GXYLT2: variants seen among roughly 807,000 people sequenced by gnomAD.
GXYLT2 encodes the protein glucoside xylosyltransferase 2, also known as glycosyltransferase 8 domain containing 4.
GXYLT2 carries 53 observed loss-of-function variants against 45.8 expected under a neutral mutation model. That is an observed-to-expected ratio of 1.16 (90% CI 0.93 to 1.46). The LOEUF (loss-of-function observed/expected upper bound fraction) is 1.46, where lower values mean the gene tolerates loss of function less well. Among genes scored for constraint, GXYLT2 ranks in the 40% most tolerant of loss-of-function variants. The pLI, the probability that GXYLT2 is intolerant of heterozygous loss-of-function variation, is 0.00. For synonymous variants in GXYLT2, 219 were observed against 214.2 expected (o/e 1.02, Z -0.19); for missense variants, 551 against 544.4 (o/e 1.01, Z -0.12).
chr3:72,913,260 G>A (rs367687404), intron 2 of GXYLT2, among the ~76,000 whole-genome samples: 7 of 150,656 alleles, frequency 4.6e-5, no homozygotes, highest in East Asian at 4.0e-4. Context: ...GGATGGTCTC[G>A]ATCTCCTGAC....
intron 6 of GXYLT2, among the ~76,000 whole-genome samples, chr3:72,973,215 G>A (rs571045811): frequency 1.3e-5 from 2 of 152,324 alleles, no homozygotes; most frequent in East Asian, 3.9e-4. Flanking sequence ...AGCTGGGGGA[G>A]GGGCACCAGG....
rs1444915331 is a variant in GXYLT2 at position 72,888,059 on chromosome 3, C to T, written c.-175C>T. The T allele has an allele frequency of 1.0e-5, 2 of 196,418 alleles. No individual in the cohort carries two copies. The highest frequency in any genetic ancestry group is 1.6e-4 in the South Asian group (1 of 6,100). The allele number at this position is 196,418 out of a possible 1,614,324, so 12.2% of individuals were successfully genotyped here. Reference sequence around the variant, plus strand: ...CGCCTCCCCCTCCTCTCCTCTCTCTCCTCCTCCTTCGCCGTCGCCGCCGCC... The same window carrying T: ...CGCCTCCCCCTCCTCTCCTCTCTCTTCTCCTCCTTCGCCGTCGCCGCCGCC... On this transcript the variant is annotated 5_prime_UTR_variant, in exon 1 of 7. Coordinates refer to ENST00000389617, the MANE Select transcript of GXYLT2 (RefSeq NM_001080393.2).
chr3:72,956,637 A>G (rs550306263), intron 4 of GXYLT2, among the ~76,000 whole-genome samples: 2 of 152,166 alleles, frequency 1.3e-5, no homozygotes, highest in Middle Eastern at 3.4e-3. Context: ...ACTCACGCCT[A>G]TAATCCCAGC....
intron 1 of GXYLT2, among the ~76,000 whole-genome samples, chr3:72,897,184 A>G (rs1559724834): frequency 6.6e-6 from 1 of 152,218 alleles, no homozygotes; most frequent in African/African-American, 2.4e-5. Flanking sequence ...ATAGAATACC[A>G]GCTCATCTGT....
intron 3 of GXYLT2, among the ~76,000 whole-genome samples, chr3:72,939,100 G>A (rs913055480): frequency 5.9e-5 from 9 of 152,106 alleles, no homozygotes; most frequent in African/African-American, 1.9e-4. Flanking sequence ...ATTTTCTCCT[G>A]TGCCACCCCA....
At chr3:72,901,552 C>T (rs1273517037) in intron 1 of GXYLT2, among the ~76,000 whole-genome samples, 19 of 131,364 alleles carry the variant, frequency 1.4e-4, no homozygotes, top group Admixed American at 4.0e-4. Context: ...AGAACATTTT[C>T]GCTTTTTTTT....
chr3:72,928,755 G>C (rs77834947), intron 3 of GXYLT2, among the ~76,000 whole-genome samples: 4,862 of 150,620 alleles, frequency 0.032, 264 homozygotes, highest in African/African-American at 0.11. Flanking sequence ...GACTGTGGGG[G>C]CAATTTGTGC....
At chr3:72,898,694 G>A (rs1036796022) in intron 1 of GXYLT2, among the ~76,000 whole-genome samples, 6 of 152,266 alleles carry the variant, frequency 3.9e-5, no homozygotes, top group East Asian at 3.9e-4. Context: ...GGAGCCTTGC[G>A]TAGGGGCTTC....
chr3:72,903,888 A>C (rs999884330), intron 1 of GXYLT2, among the ~76,000 whole-genome samples: 27 of 152,120 alleles, frequency 1.8e-4, no homozygotes, highest in African/African-American at 6.5e-4. Flanking sequence ...GGTTTAAGCA[A>C]AAGGGAGTTT....
chr3:72,919,763 AAAG>A (rs1225938388), intron 2 of GXYLT2, among the ~76,000 whole-genome samples: 3 of 152,240 alleles, frequency 2.0e-5, no homozygotes, highest in African/African-American at 7.2e-5. Flanking sequence ...TCAAAAACAA[AAAG>A]AAGTTCAGGT....
chr3:72,974,897 T>C, intron 6 of GXYLT2, 80 bp from the exon 7 acceptor site: 1 of 1,039,132 alleles, frequency 9.6e-7, no homozygotes, highest in Non-Finnish European at 1.4e-6. Flanking sequence ...GTAATTCCTG[T>C]GTCATTTCTT....
At chr3:72,954,446 T>A (rs1710592518) in intron 3 of GXYLT2, among the ~76,000 whole-genome samples, 1 of 150,330 alleles carries the variant, frequency 6.7e-6, no homozygotes, top group Non-Finnish European at 1.5e-5. Flanking sequence ...TTTGTATTTA[T>A]ATATATTTAT....
chr3:72,914,998 C>A (rs1186715281), intron 2 of GXYLT2, among the ~76,000 whole-genome samples: 4 of 152,002 alleles, frequency 2.6e-5, no homozygotes, highest in Admixed American at 2.6e-4. Flanking sequence ...ACTAAAAATA[C>A]AAAAATTAGC....
intron 3 of GXYLT2, among the ~76,000 whole-genome samples, chr3:72,950,409 C>T (rs572725627): frequency 1.7e-4 from 26 of 152,064 alleles, no homozygotes; most frequent in South Asian, 4.2e-4. Context: ...TGCAGTGAGC[C>T]GAGATCACGC....
In GXYLT2 at chr3:72,908,577, A is replaced by C; in HGVS notation, c.468+18A>C. 1 of 1,539,386 alleles carries C rather than the reference A, an allele frequency of 6.5e-7. No homozygotes were observed. Among genetic ancestry groups the C allele is most frequent in the South Asian group, 1.2e-5 (1 of 86,498 alleles). The stretch of plus-strand genomic sequence containing the variant: ...ATAAGCAGGTGAATTTGCAGAAATC[A>C]TGGCACAGTGTTTACTAAGTACAAA... On this transcript the variant is annotated intron_variant, in intron 2 of 6. Transcript: ENST00000389617.
At chr3:72,925,156 C>CT (rs368190344) in intron 3 of GXYLT2, among the ~76,000 whole-genome samples, 11,013 of 148,424 alleles carry the variant, frequency 0.074, 1,421 homozygotes, top group African/African-American at 0.26. Flanking sequence ...TTTTCTTTTT[C>CT]TTTCTTTTTT....
At chr3:72,930,185 A>C (rs900875622) in intron 3 of GXYLT2, among the ~76,000 whole-genome samples, 47 of 150,062 alleles carry the variant, frequency 3.1e-4, no homozygotes, top group African/African-American at 9.1e-4. Flanking sequence ...AAAAAAAAAA[A>C]CAGAGTTGCA....
chr3:72,935,290 A>G (rs1458141632), intron 3 of GXYLT2, among the ~76,000 whole-genome samples: 4 of 151,924 alleles, frequency 2.6e-5, no homozygotes, highest in Non-Finnish European at 5.9e-5. Flanking sequence ...AAGAACTGGG[A>G]AAATTGAACT....
chr3:72,938,122 T>A, intron 3 of GXYLT2, among the ~76,000 whole-genome samples: 1 of 152,150 alleles, frequency 6.6e-6, no homozygotes, highest in Middle Eastern at 3.4e-3. Context: ...AAGAAAAAAA[T>A]GTAAAAGGTC....
Sources: allele counts gnomAD v4.1 joint callset (sites outside exome capture counted in the v4.1 genomes callset), GRCh38; gene constraint gnomAD v4.1.1; transcripts MANE v1.5; gene names NCBI Gene and HGNC (gene_info 2026-07-23, HGNC 2026-07-21).